TMEM132B: variants seen among roughly 807,000 people sequenced by gnomAD.
The protein encoded by TMEM132B is transmembrane protein 132B.
A neutral mutation model predicts 90.8 loss-of-function variants in TMEM132B; 18 were observed. The observed-to-expected ratio is 0.20, with a 90% confidence interval of 0.14 to 0.29. TMEM132B has a LOEUF of 0.29. Among genes scored for constraint, TMEM132B ranks in the 10% least tolerant of loss-of-function variants. TMEM132B has a pLI of 1.00. For missense variants in TMEM132B, 1,096 were observed against 1,326.8 expected, an observed-to-expected ratio of 0.83 and a Z score of 2.70; for synonymous variants, 504 against 523.3, an observed-to-expected ratio of 0.96 and a Z score of 0.50.
At chr12:125,434,417 C>A (rs950880452) in intron 3 of TMEM132B, among the ~76,000 whole-genome samples, 5 of 151,784 alleles carry the variant, frequency 3.3e-5, no homozygotes, top group Non-Finnish European at 5.9e-5. Context: ...CACCATTCTG[C>A]CTATTCACAG....
At chr12:125,466,381 G>A (rs765878021) in intron 3 of TMEM132B, among the ~76,000 whole-genome samples, 10 of 152,264 alleles carry the variant, frequency 6.6e-5, no homozygotes, top group Non-Finnish European at 1.3e-4. Flanking sequence ...CCCTGATATC[G>A]GAGGGGAAGG....
At position 125,527,529 on chromosome 12, in the gene TMEM132B, C is replaced by A. The variant is rs1401557132; in HGVS notation, c.1293+7904C>A. Among the ~76,000 whole-genome samples the A allele has an allele frequency of 3.5e-5, 5 of 143,074 alleles. No individual in the cohort carries two copies. In the South Asian group the frequency reaches 1.1e-3, roughly 33 times the overall value. 93.9% of individuals were successfully genotyped at this position (143,074 alleles called of 152,430 possible). On this transcript the variant is annotated intron_variant, in intron 4 of 8. Coordinates refer to ENST00000682704, the MANE Select transcript of TMEM132B (RefSeq NM_001366854.1). The stretch of plus-strand genomic sequence containing the variant: ...CCATTTACCTTTCCATGCACCCATC[C>A]ACCCTTCCAACCACCCATCCACCCT...
At chr12:125,293,846 TG>T (rs1309529027) in intron 1 of TMEM132B, among the ~76,000 whole-genome samples, 2 of 152,214 alleles carry the variant, frequency 1.3e-5, no homozygotes. Flanking sequence ...GGGGCTGGCT[TG>T]TAACCGCTCT....
intron 1 of TMEM132B, among the ~76,000 whole-genome samples, chr12:125,194,346 A>G (rs562363054): frequency 4.2e-4 from 64 of 152,100 alleles, no homozygotes; most frequent in African/African-American, 1.5e-3. Flanking sequence ...TCAGTAAATC[A>G]TGCCTCAGAT....
chr12:125,523,858 G>A (rs1237583088), intron 4 of TMEM132B, among the ~76,000 whole-genome samples: 1 of 152,166 alleles, frequency 6.6e-6, no homozygotes, highest in Non-Finnish European at 1.5e-5. Flanking sequence ...CTCCTCATCG[G>A]GGATGCACTT....
intron 1 of TMEM132B, among the ~76,000 whole-genome samples, chr12:125,285,805 G>A (rs932456778): frequency 6.6e-6 from 1 of 152,212 alleles, no homozygotes; most frequent in African/African-American, 2.4e-5. Context: ...AAGTGGCCAG[G>A]GGGCAAAGCG....
At chr12:125,233,419 TC>T (rs1194397906) in intron 1 of TMEM132B, among the ~76,000 whole-genome samples, 1 of 152,294 alleles carries the variant, frequency 6.6e-6, no homozygotes, top group East Asian at 1.9e-4. Flanking sequence ...ATCTCCACCT[TC>T]CAGGCAGGCC....
chr12:125,342,372 C>T (rs1877211126), intron 1 of TMEM132B, among the ~76,000 whole-genome samples: 1 of 152,214 alleles, frequency 6.6e-6, no homozygotes, highest in Non-Finnish European at 1.5e-5. Context: ...TTTAACTCCC[C>T]TCACCCCGTG....
At chr12:125,622,118 A>T (rs1886127246) in intron 5 of TMEM132B, among the ~76,000 whole-genome samples, 1 of 152,118 alleles carries the variant, frequency 6.6e-6, no homozygotes, top group African/African-American at 2.4e-5. Context: ...CATTCACAGC[A>T]GACCCACCTT....
chr12:125,527,697 C>T (rs1168874728), intron 4 of TMEM132B, among the ~76,000 whole-genome samples: 1 of 148,792 alleles, frequency 6.7e-6, no homozygotes, highest in Non-Finnish European at 1.5e-5. Context: ...ACCACCCAGC[C>T]ACCCTTCCAT....
rs953811494 is a variant in TMEM132B, at chr12:125,460,831, A to C, written c.1106+45154A>C. 2.0e-5 allele frequency among the ~76,000 whole-genome samples: 3 copies of C among 152,182 alleles called. No homozygotes were observed. The highest frequency in any genetic ancestry group is 7.2e-5 in the African/African-American group (3 of 41,432). ...AAATCAAATCTTGGCCTTTCCTTAC[A>C]ATCTTTTACTTCTGGTCTTTTGAAG... is the stretch of plus-strand genomic sequence containing the variant. On this transcript the variant is annotated intron_variant, in intron 3 of 8. Coordinates refer to ENST00000682704, the MANE Select transcript of TMEM132B (RefSeq NM_001366854.1). The surrounding 1 kb of genome is among the most constrained non-coding windows in gnomAD (Gnocchi z 4.4).
chr12:125,268,710 C>G (rs1874752339), intron 1 of TMEM132B, among the ~76,000 whole-genome samples: 1 of 152,106 alleles, frequency 6.6e-6, no homozygotes, highest in South Asian at 2.1e-4. Context: ...GAGTGTAAGA[C>G]AGAAGGGAGG....
chr12:125,609,193 A>G (rs993460510), intron 5 of TMEM132B, among the ~76,000 whole-genome samples: 7 of 152,200 alleles, frequency 4.6e-5, no homozygotes, highest in African/African-American at 1.7e-4. Flanking sequence ...TATGGGGATT[A>G]CAATTCAAGG....
chr12:125,331,641 C>G (rs1352397054), intron 1 of TMEM132B, among the ~76,000 whole-genome samples: 1 of 152,218 alleles, frequency 6.6e-6, no homozygotes, highest in African/African-American at 2.4e-5. Context: ...AGCCCACACT[C>G]TGGGGCCCAC....
At chr12:125,621,383 CT>C (rs1886107114) in intron 5 of TMEM132B, among the ~76,000 whole-genome samples, 1 of 151,994 alleles carries the variant, frequency 6.6e-6, no homozygotes, top group Non-Finnish European at 1.5e-5. Context: ...ATGATGATCT[CT>C]TTGAGTAGAG....
chr12:125,419,365 G>A (rs432298), intron 3 of TMEM132B, among the ~76,000 whole-genome samples: 5,742 of 152,300 alleles, frequency 0.038, 377 homozygotes, highest in African/African-American at 0.13. Context: ...CATGGCTGGG[G>A]AGGCCTCACA....
intron 1 of TMEM132B, among the ~76,000 whole-genome samples, chr12:125,252,545 C>G (rs1204522137): frequency 9.9e-5 from 15 of 152,238 alleles, no homozygotes; most frequent in Admixed American, 9.8e-4. Context: ...AAGATGGCTT[C>G]TGAACAAACC....
At chr12:125,522,144 C>G (rs990178823) in intron 4 of TMEM132B, among the ~76,000 whole-genome samples, 6 of 152,198 alleles carry the variant, frequency 3.9e-5, no homozygotes, top group African/African-American at 1.4e-4. Flanking sequence ...TGAAGGTCAA[C>G]TCGTGGAGAG....
intron 2 of TMEM132B, among the ~76,000 whole-genome samples, chr12:125,404,669 A>G (rs1447754906): frequency 6.6e-6 from 1 of 152,188 alleles, no homozygotes; most frequent in African/African-American, 2.4e-5. Context: ...AGATAAGGAA[A>G]CTGAGTCACA....
Sources: allele counts gnomAD v4.1 joint callset (sites outside exome capture counted in the v4.1 genomes callset), GRCh38; gene constraint gnomAD v4.1.1; non-coding constraint Gnocchi (gnomAD v3.1); transcripts MANE v1.5; gene names NCBI Gene and HGNC (gene_info 2026-07-23, HGNC 2026-07-21).